The following DNAH3 variants were observed in gnomAD, a reference collection of about 807,000 sequenced individuals.
DNAH3 encodes the protein axonemal beta dynein heavy chain 3.
A neutral mutation model predicts 432.5 loss-of-function variants in DNAH3; 332 were observed. The ratio of observed to expected loss-of-function variants is 0.77; its 90% CI spans 0.70 to 0.84. The LOEUF is 0.84. Among genes scored for constraint, DNAH3 ranks in the 40% least tolerant of loss-of-function variants. The probability of loss-of-function intolerance (pLI) is 0.00; values close to 1 mark genes in which losing one functional copy is unlikely to be tolerated. For missense variants in DNAH3, 4,861 were observed against 5,114.0 expected (o/e 0.95, Z 1.51); for synonymous variants, 1,956 against 1,900.2 (o/e 1.03, Z -0.76).
chr16:21,136,719 AC>A (rs1177327195), intron 5 of DNAH3: 1 of 599,236 alleles, frequency 1.7e-6, no homozygotes, highest in Non-Finnish European at 3.0e-6. Context: ...AGAGGATTCA[AC>A]CAAAGCCAGA....
At chr16:21,098,830 C>A in intron 16 of DNAH3, 61 bp from the exon 17 acceptor site, 1 of 1,543,308 alleles carries the variant, frequency 6.5e-7, no homozygotes. Flanking sequence ...TTCAAAACAT[C>A]AGCACTGCTT....
intron 40 of DNAH3, among the ~76,000 whole-genome samples, chr16:21,020,835 G>A (rs1175510860): frequency 6.6e-6 from 1 of 152,090 alleles, no homozygotes; most frequent in Non-Finnish European, 1.5e-5. Context: ...TCTATATCCA[G>A]AATTGTTTTC....
intron 18 of DNAH3, among the ~76,000 whole-genome samples, chr16:21,090,507 G>C (rs2091500818): frequency 6.6e-6 from 1 of 152,072 alleles, no homozygotes; most frequent in South Asian, 2.1e-4. Context: ...TTTATCATTG[G>C]AGTGCAAGGC....
chr16:21,157,420 C>G (rs557454156), intron 1 of DNAH3, among the ~76,000 whole-genome samples: 19 of 149,612 alleles, frequency 1.3e-4, no homozygotes, highest in African/African-American at 4.7e-4. Context: ...ACTTCTACTT[C>G]CCAGGTTCAA....
At chr16:20,970,209 C>T (rs185629014) in intron 51 of DNAH3, among the ~76,000 whole-genome samples, 6 of 152,240 alleles carry the variant, frequency 3.9e-5, no homozygotes, top group Admixed American at 2.0e-4. Context: ...CTGGATGTCC[C>T]GAACATCTGA....
At chr16:21,115,155 C>T (rs988615872) in intron 12 of DNAH3, among the ~76,000 whole-genome samples, 1 of 152,024 alleles carries the variant, frequency 6.6e-6, no homozygotes, top group Non-Finnish European at 1.5e-5. Context: ...AAAAACTGAA[C>T]ACCACATGTT....
At chr16:20,985,221 C>T (rs759425227) in exon 48 of DNAH3, 1 of 1,614,132 alleles carries the variant, frequency 6.2e-7, no homozygotes, top group South Asian at 1.1e-5. Context: ...TGTTCAGAAG[C>T]ATGTTGATGT....
chr16:21,120,976 G>A lies in DNAH3; in HGVS notation c.1585-122C>T, dbSNP rs938531645. Reference sequence around the variant, plus strand: ...CTCCCACACACCCAGTTTTAATGGAGTACTTAGAACCCTGTAAGTACCAGA... The same window carrying A: ...CTCCCACACACCCAGTTTTAATGGAATACTTAGAACCCTGTAAGTACCAGA... On this transcript the variant is annotated intron_variant, in intron 10 of 61. Transcript: ENST00000261383. The A allele has an allele frequency of 1.6e-5, 12 of 770,954 alleles. No homozygotes were observed. The African/African-American group carries it at 1.9e-4, about 12-fold the overall frequency. 47.8% of individuals were successfully genotyped at this position (770,954 alleles called of 1,614,324 possible). A position where few individuals can be genotyped will look rare whatever the true frequency, so the allele number is the denominator to read the frequency against.
At chr16:21,076,511 C>T (rs1154703) in intron 20 of DNAH3, among the ~76,000 whole-genome samples, 41,380 of 152,024 alleles carry the variant, frequency 0.27, 5,803 homozygotes, top group South Asian at 0.37. Flanking sequence ...CACTAGACCC[C>T]AGCAGACCAG....
intron 41 of DNAH3, among the ~76,000 whole-genome samples, chr16:21,005,364 CTT>C (rs1025559443): frequency 9.5e-5 from 13 of 136,638 alleles, no homozygotes; most frequent in Non-Finnish European, 1.9e-4. Flanking sequence ...CTCTTTCATT[CTT>C]TCTCTCTTTT....
intron 16 of DNAH3, among the ~76,000 whole-genome samples, chr16:21,102,102 T>C (rs2091851310): frequency 6.6e-6 from 1 of 152,154 alleles, no homozygotes; most frequent in South Asian, 2.1e-4. Context: ...TGCAACATGA[T>C]GGACATAAGG....
intron 18 of DNAH3, among the ~76,000 whole-genome samples, chr16:21,093,024 A>G (rs1168631008): frequency 6.6e-6 from 1 of 152,266 alleles, no homozygotes; most frequent in East Asian, 1.9e-4. Flanking sequence ...CCTGGGGCAA[A>G]TTAGTGAGAC....
chr16:21,071,344 G>C (rs907820018), intron 21 of DNAH3, among the ~76,000 whole-genome samples: 3 of 151,350 alleles, frequency 2.0e-5, no homozygotes, highest in African/African-American at 7.3e-5. Context: ...ACCCAGCCTG[G>C]ATATTTTTTT....
At chr16:20,937,433 A>C (rs1423542610) in intron 59 of DNAH3, among the ~76,000 whole-genome samples, 1 of 152,170 alleles carries the variant, frequency 6.6e-6, no homozygotes, top group African/African-American at 2.4e-5. Flanking sequence ...CATCCATCTC[A>C]ATCTTTTTGC....
chr16:20,984,863 T>A (rs1473903918), intron 48 of DNAH3, among the ~76,000 whole-genome samples, 186 bp downstream of exon 48: 2 of 149,760 alleles, frequency 1.3e-5, no homozygotes, highest in East Asian at 2.0e-4. Flanking sequence ...AGACTGTCTT[T>A]AAAAAAAAAA....
At chr16:21,052,076 C>G (rs911894637) in intron 28 of DNAH3, among the ~76,000 whole-genome samples, 2 of 152,176 alleles carry the variant, frequency 1.3e-5, no homozygotes, top group South Asian at 2.1e-4. Context: ...ATTGCAACCT[C>G]TGCCTCCTGG....
exon 10 of DNAH3, chr16:21,121,949 G>T: frequency 6.2e-7 from 1 of 1,607,720 alleles, no homozygotes; most frequent in Non-Finnish European, 8.5e-7. Context: ...CTATACCTTG[G>T]GGATCCCATT....
intron 31 of DNAH3, among the ~76,000 whole-genome samples, chr16:21,045,990 T>G (rs1330036527): frequency 6.6e-6 from 1 of 151,900 alleles, no homozygotes; most frequent in African/African-American, 2.4e-5. Context: ...CGGTTTTGAG[T>G]GAGATTCTTA....
chr16:21,075,007 C>G (rs1175416121), intron 21 of DNAH3, among the ~76,000 whole-genome samples: 1 of 152,182 alleles, frequency 6.6e-6, no homozygotes, highest in East Asian at 1.9e-4. Context: ...TCTGCAGAAT[C>G]CTAGATTCCA....
Sources: gnomAD v4.1 joint callset for allele counts (sites outside exome capture counted in the v4.1 genomes callset) on GRCh38, gnomAD v4.1.1 for gene constraint, MANE v1.5 for transcripts, NCBI Gene and HGNC (gene_info 2026-07-23, HGNC 2026-07-21) for gene names.